SCFD2: variants seen among roughly 807,000 people sequenced by gnomAD.
The protein encoded by SCFD2 is sec1 family domain containing 2.
A neutral mutation model predicts 58.9 loss-of-function variants in SCFD2; 54 were observed. The ratio of observed to expected loss-of-function variants is 0.92; its 90% CI spans 0.74 to 1.15. SCFD2 has a LOEUF of 1.15. Ranked by LOEUF, SCFD2 falls within the 50% of genes most tolerant of loss-of-function variation. The pLI, the probability that SCFD2 is intolerant of heterozygous loss-of-function variation, is 0.00. For missense variants in SCFD2, 805 were observed against 836.6 expected (o/e 0.96, Z 0.47); for synonymous variants, 321 against 335.9 (o/e 0.96, Z 0.49).
rs375948332 is a variant in SCFD2, at chr4:53,036,260, C to T, written c.1561+109073G>A. 5.1e-4 allele frequency among the ~76,000 whole-genome samples: 77 copies of T among 151,614 alleles called. 3 individuals carry two copies. In the South Asian group the frequency reaches 0.016, roughly 31 times the overall value. On this transcript the variant is annotated intron_variant, in intron 5 of 8. Transcript: ENST00000401642. ...GTGTGTGATGGTCCCCGCCCTGTGTCCATGTGTTCTCATTACTCATTCCCA... is the reference window on the plus strand; with the variant it reads ...GTGTGTGATGGTCCCCGCCCTGTGTTCATGTGTTCTCATTACTCATTCCCA...
At chr4:53,334,252 T>TCAAAGGTA (rs1285852595) in intron 2 of SCFD2, among the ~76,000 whole-genome samples, 13 of 151,992 alleles carry the variant, frequency 8.6e-5, no homozygotes, top group Admixed American at 7.9e-4. Flanking sequence ...CATTACTGGG[T>TCAAAGGTA]ATATACCCAA....
chr4:53,193,376 T>C (rs1727970818), intron 4 of SCFD2, among the ~76,000 whole-genome samples: 1 of 152,172 alleles, frequency 6.6e-6, no homozygotes, highest in African/African-American at 2.4e-5. Context: ...GTCTACAGAA[T>C]ACAAGTATAT....
intron 5 of SCFD2, among the ~76,000 whole-genome samples, chr4:53,137,703 T>C (rs1311908586): frequency 2.6e-5 from 4 of 152,196 alleles, no homozygotes; most frequent in Non-Finnish European, 4.4e-5. Flanking sequence ...AAAGATACTA[T>C]AGAAATACAG....
At chr4:52,991,996 C>T (rs1024555557) in intron 5 of SCFD2, among the ~76,000 whole-genome samples, 1 of 151,892 alleles carries the variant, frequency 6.6e-6, no homozygotes, top group Admixed American at 6.5e-5. Flanking sequence ...TCTCCCTCTC[C>T]CTCTCCCCAC....
chr4:53,171,059 T>G (rs545668613), intron 4 of SCFD2, among the ~76,000 whole-genome samples: 2 of 152,224 alleles, frequency 1.3e-5, no homozygotes, highest in Non-Finnish European at 2.9e-5. Flanking sequence ...TCCAGTACTA[T>G]GCTAAATAGA....
intron 3 of SCFD2, among the ~76,000 whole-genome samples, chr4:53,296,608 T>C (rs1167819314): frequency 7.9e-5 from 12 of 152,184 alleles, no homozygotes; most frequent in African/African-American, 2.2e-4. Flanking sequence ...TCACTGATTT[T>C]TTTGAAGTGT....
At chr4:53,181,938 C>G (rs1403964845) in intron 4 of SCFD2, among the ~76,000 whole-genome samples, 1 of 152,170 alleles carries the variant, frequency 6.6e-6, no homozygotes, top group Non-Finnish European at 1.5e-5. Flanking sequence ...AGGAATCCAA[C>G]TTACAAGGGA....
rs1163169956 is a variant in SCFD2, at chr4:52,920,964, T to A, written c.1562-94A>T. 2.1e-5 allele frequency: 12 copies of A among 574,594 alleles called. 1 individual carries two copies. The highest frequency in any genetic ancestry group is 2.5e-5 in the Non-Finnish European group (9 of 361,956). The allele number at this position is 574,594 out of a possible 1,614,324, so 35.6% of individuals were successfully genotyped here. A position where few individuals can be genotyped will look rare whatever the true frequency, so the allele number is the denominator to read the frequency against. On this transcript the variant is annotated intron_variant, in intron 5 of 8. Transcript: ENST00000401642. Reference sequence around the variant, plus strand: ...CGATGTAATGTAGTTGGGAGGTTTTTTTTTTTCTTTATTATTATTATTATT... The same window carrying A: ...CGATGTAATGTAGTTGGGAGGTTTTATTTTTTCTTTATTATTATTATTATT...
intron 5 of SCFD2, among the ~76,000 whole-genome samples, chr4:53,003,420 T>C (rs1411076082): frequency 1.3e-5 from 2 of 152,240 alleles, no homozygotes; most frequent in Non-Finnish European, 1.5e-5. Flanking sequence ...ACATTTCAAG[T>C]GCTCAATAGC....
At chr4:53,014,661 T>G in intron 5 of SCFD2, among the ~76,000 whole-genome samples, 1 of 152,222 alleles carries the variant, frequency 6.6e-6, no homozygotes, top group Non-Finnish European at 1.5e-5. Context: ...TAGGGCTCCT[T>G]GGGCTCCCCC....
At chr4:52,953,452 C>T (rs1228388473) in intron 5 of SCFD2, among the ~76,000 whole-genome samples, 4 of 152,182 alleles carry the variant, frequency 2.6e-5, no homozygotes, top group Non-Finnish European at 2.9e-5. Context: ...ACCCTGCCAG[C>T]TATGAATATT....
At chr4:53,259,817 A>T (rs1050156310) in intron 4 of SCFD2, among the ~76,000 whole-genome samples, 7 of 152,058 alleles carry the variant, frequency 4.6e-5, no homozygotes, top group Non-Finnish European at 8.8e-5. Flanking sequence ...CAGTATGGTC[A>T]TTTTCACAAT....
At chr4:52,976,409 G>C (rs142577590) in intron 5 of SCFD2, among the ~76,000 whole-genome samples, 43 of 152,264 alleles carry the variant, frequency 2.8e-4, no homozygotes, top group African/African-American at 1.0e-3. Context: ...TAAAGTCATG[G>C]AAAATTCTGG....
intron 5 of SCFD2, among the ~76,000 whole-genome samples, chr4:52,973,018 G>C (rs901513457): frequency 6.6e-6 from 1 of 152,198 alleles, no homozygotes; most frequent in Non-Finnish European, 1.5e-5. Context: ...ATTCAAAGCA[G>C]TGTGTAGAGG....
intron 5 of SCFD2, among the ~76,000 whole-genome samples, chr4:53,091,029 C>T (rs185921819): frequency 6.6e-6 from 1 of 152,232 alleles, no homozygotes; most frequent in Admixed American, 6.6e-5. Context: ...GATCATACTT[C>T]TATATTAATA....
At chr4:52,948,079 A>G (rs1720487645) in intron 5 of SCFD2, among the ~76,000 whole-genome samples, 2 of 152,122 alleles carry the variant, frequency 1.3e-5, no homozygotes, top group African/African-American at 2.4e-5. Context: ...AGAATGACAC[A>G]AATTTAAAGG....
intron 5 of SCFD2, among the ~76,000 whole-genome samples, chr4:53,046,329 T>C (rs1723037310): frequency 6.6e-6 from 1 of 152,140 alleles, no homozygotes. Flanking sequence ...TCCTCCCCTT[T>C]CAGCCCCCCA....
intron 5 of SCFD2, among the ~76,000 whole-genome samples, chr4:53,044,488 A>AACTT (rs1722977073): frequency 6.9e-6 from 1 of 143,948 alleles, no homozygotes; most frequent in African/African-American, 2.8e-5. Context: ...ACTTTACAGG[A>AACTT]ACTTCCTTCC....
At chr4:52,881,124 G>A (rs1212047799) in intron 8 of SCFD2, among the ~76,000 whole-genome samples, 1 of 152,228 alleles carries the variant, frequency 6.6e-6, no homozygotes, top group Non-Finnish European at 1.5e-5. Flanking sequence ...GCAGGAGAGT[G>A]GAGAAAACAT....
Sources: gnomAD v4.1 joint callset for allele counts (sites outside exome capture counted in the v4.1 genomes callset) on GRCh38, gnomAD v4.1.1 for gene constraint, MANE v1.5 for transcripts, NCBI Gene and HGNC (gene_info 2026-07-23, HGNC 2026-07-21) for gene names.